Variants in THSD4 observed in about 807,000 individuals in gnomAD.
THSD4 encodes the protein thrombospondin type 1 domain containing 4.
Under a neutral mutation model 119.0 loss-of-function variants are expected in THSD4, and 69 were observed. The ratio of observed to expected loss-of-function variants is 0.58; its 90% CI spans 0.48 to 0.71. THSD4 has a LOEUF of 0.71. Ranked by LOEUF, THSD4 falls within the 30% of genes least tolerant of loss-of-function variation. The probability of loss-of-function intolerance (pLI) is 0.00; values close to 1 mark genes in which losing one functional copy is unlikely to be tolerated. For synonymous variants in THSD4, 524 were observed against 540.4 expected (o/e 0.97, Z 0.42); for missense variants, 1,393 against 1,391.1 (o/e 1.00, Z -0.02).
At chr15:71,189,669 CAA>C (rs34897270) in intron 3 of THSD4, among the ~76,000 whole-genome samples, 3 of 146,394 alleles carry the variant, frequency 2.0e-5, no homozygotes, top group African/African-American at 7.7e-5. Context: ...GACTCCGTCT[CAA>C]AAAAAAAAAA....
chr15:71,419,863 TGAATGTTTTA>T (rs1386890678), intron 7 of THSD4, among the ~76,000 whole-genome samples: 3 of 109,006 alleles, frequency 2.8e-5, no homozygotes, highest in South Asian at 5.8e-4. Flanking sequence ...TCCATGTTTT[TGAATGTTTTA>T]GGACTTGTTT....
chr15:71,449,669 TA>T (rs2047236394), intron 7 of THSD4, among the ~76,000 whole-genome samples: 1 of 152,198 alleles, frequency 6.6e-6, no homozygotes, highest in Non-Finnish European at 1.5e-5. Flanking sequence ...CCATCCTGTG[TA>T]GACATTTTAT....
At chr15:71,593,674 T>G (rs1406623726) in intron 7 of THSD4, among the ~76,000 whole-genome samples, 2 of 151,968 alleles carry the variant, frequency 1.3e-5, no homozygotes, top group Non-Finnish European at 2.9e-5. Context: ...GGTGGGTGGA[T>G]TACAAGAGCC....
At chr15:71,734,306 T>C (rs1454856601) in intron 10 of THSD4, among the ~76,000 whole-genome samples, 2 of 152,140 alleles carry the variant, frequency 1.3e-5, no homozygotes, top group African/African-American at 4.8e-5. Context: ...AATGGAATAT[T>C]ATTTAGGGCT....
intron 3 of THSD4, among the ~76,000 whole-genome samples, chr15:71,172,635 A>AGGCAAATAGACAAT (rs2043381064): frequency 8.1e-6 from 1 of 124,194 alleles, no homozygotes; most frequent in South Asian, 2.7e-4. Context: ...GTGTAAAGAT[A>AGGCAAATAGACAAT]GGCAAATAGA....
chr15:71,118,342 A>G (rs2141350922), intron 1 of THSD4, among the ~76,000 whole-genome samples: 1 of 152,036 alleles, frequency 6.6e-6, no homozygotes, highest in Non-Finnish European at 1.5e-5. Flanking sequence ...CACACCTCCC[A>G]TCCCCAGCTC....
intron 7 of THSD4, among the ~76,000 whole-genome samples, chr15:71,536,961 A>C (rs1364266133): frequency 6.6e-6 from 1 of 152,194 alleles, no homozygotes; most frequent in Admixed American, 6.5e-5. Flanking sequence ...TCAGCAGTCA[A>C]TGGCATGGTC....
chr15:71,154,624 C>T (rs754392150), intron 2 of THSD4, among the ~76,000 whole-genome samples: 17 of 152,212 alleles, frequency 1.1e-4, no homozygotes, highest in African/African-American at 2.2e-4. Context: ...AGAACCCCTG[C>T]GGGTAAGCAG....
intron 6 of THSD4, among the ~76,000 whole-genome samples, chr15:71,257,191 T>C (rs1485894414): frequency 6.6e-6 from 1 of 152,134 alleles, no homozygotes; most frequent in Non-Finnish European, 1.5e-5. Context: ...AGGCAGGCAT[T>C]GCCCGTGAGT....
chr15:71,502,788 GTC>G (rs1280539920), intron 7 of THSD4, among the ~76,000 whole-genome samples: 1 of 152,208 alleles, frequency 6.6e-6, no homozygotes, highest in Non-Finnish European at 1.5e-5. Context: ...GTTAGGAAAT[GTC>G]TTAAGTGAGA....
At chr15:71,297,566 C>A (rs566686682) in intron 6 of THSD4, among the ~76,000 whole-genome samples, 1 of 152,220 alleles carries the variant, frequency 6.6e-6, no homozygotes, top group African/African-American at 2.4e-5. Flanking sequence ...GAACTCCTGA[C>A]CTTGTGATCC....
intron 7 of THSD4, among the ~76,000 whole-genome samples, chr15:71,457,470 A>C (rs1213666322): frequency 6.7e-6 from 1 of 150,130 alleles, no homozygotes; most frequent in Non-Finnish European, 1.5e-5. Context: ...TGGATTCATC[A>C]CCTGAAATGC....
chr15:71,143,704 T>TC (rs2040628624), intron 2 of THSD4, among the ~76,000 whole-genome samples: 1 of 140,198 alleles, frequency 7.1e-6, no homozygotes, highest in South Asian at 2.1e-4. Context: ...TTCTTTCTTT[T>TC]TTTTTTTTTT....
At chr15:71,357,125 A>C (rs138222663) in intron 6 of THSD4, among the ~76,000 whole-genome samples, 2 of 152,328 alleles carry the variant, frequency 1.3e-5, no homozygotes, top group East Asian at 3.9e-4. Context: ...ACTTCCAGGC[A>C]TGCCCTAGGT....
chr15:71,625,982 C>T (rs1258310223), intron 7 of THSD4, among the ~76,000 whole-genome samples: 2 of 152,220 alleles, frequency 1.3e-5, no homozygotes, highest in Admixed American at 1.3e-4. Context: ...AATTGTGGCA[C>T]ATCTCTCCAG....
intron 2 of THSD4, among the ~76,000 whole-genome samples, chr15:71,145,587 G>C (rs372233493): frequency 2.0e-5 from 3 of 152,180 alleles, no homozygotes; most frequent in African/African-American, 7.2e-5. Flanking sequence ...AAAGAGAAAG[G>C]TGGCTGTTCT....
chr15:71,189,536 G>A (rs2043648510), intron 3 of THSD4, among the ~76,000 whole-genome samples: 2 of 152,120 alleles, frequency 1.3e-5, no homozygotes, highest in Non-Finnish European at 2.9e-5. Flanking sequence ...CAGGCGCAGT[G>A]GCGGGCACCT....
At chr15:71,485,318 C>A (rs927737006) in intron 7 of THSD4, among the ~76,000 whole-genome samples, 6 of 152,188 alleles carry the variant, frequency 3.9e-5, no homozygotes, top group Non-Finnish European at 1.5e-5. Context: ...TCCCTCTCCA[C>A]CTCTGGGCCT....
At chr15:71,321,607 T>G (rs1427221973) in intron 6 of THSD4, among the ~76,000 whole-genome samples, 3 of 152,174 alleles carry the variant, frequency 2.0e-5, no homozygotes, top group African/African-American at 7.2e-5. Context: ...CTTTTAAAAT[T>G]GTTTTCCCTT....
Sources: allele counts gnomAD v4.1 joint callset (sites outside exome capture counted in the v4.1 genomes callset), GRCh38; gene constraint gnomAD v4.1.1; transcripts MANE v1.5; gene names NCBI Gene and HGNC (gene_info 2026-07-23, HGNC 2026-07-21).